Variants in CDYL2 observed in about 807,000 individuals in gnomAD.
CDYL2 encodes chromodomain Y-like protein 2.
In CDYL2, 23 loss-of-function variants were observed where a neutral mutation model predicts 49.4. The observed-to-expected ratio is 0.47, with a 90% CI of 0.34 to 0.66. The LOEUF (loss-of-function observed/expected upper bound fraction) is 0.66, where lower values mean the gene tolerates loss of function less well. Ranked by LOEUF, CDYL2 falls within the 30% of genes least tolerant of loss-of-function variation. The pLI is 0.01. For synonymous variants in CDYL2, 360 were observed against 268.8 expected (o/e 1.34, Z -3.32); for missense variants, 678 against 656.4 (o/e 1.03, Z -0.36).
rs369175946 is a variant in CDYL2, at chr16:80,669,158, C to G, written c.616+15380G>C. ...ATTTTTTTTTAAGTATTAACACAAG[C>G]AAAAGTAAAGGAGAAGAGTCAATAG... On this transcript the variant is annotated intron_variant, in intron 2 of 6. Coordinates refer to ENST00000570137, the MANE Select transcript of CDYL2 (RefSeq NM_152342.4). Among the ~76,000 whole-genome samples, 24 of 151,496 alleles carry G rather than the reference C, an allele frequency of 1.6e-4. No individual in the cohort carries two copies. The East Asian group carries it at 4.3e-3, about 27-fold the overall frequency.
intron 1 of CDYL2, among the ~76,000 whole-genome samples, chr16:80,718,835 C>T (rs1904900939): frequency 6.6e-6 from 1 of 152,154 alleles, no homozygotes; most frequent in Non-Finnish European, 1.5e-5. Flanking sequence ...AAAAGAGGTA[C>T]TGACAAGAGC....
intron 2 of CDYL2, among the ~76,000 whole-genome samples, chr16:80,667,966 T>C (rs1334408132): frequency 1.3e-5 from 2 of 152,226 alleles, no homozygotes; most frequent in Non-Finnish European, 2.9e-5. Context: ...ACCCGGGCAA[T>C]GCCCAGGGAG....
At chr16:80,787,445 G>T (rs1360480312) in intron 1 of CDYL2, among the ~76,000 whole-genome samples, 1 of 152,188 alleles carries the variant, frequency 6.6e-6, no homozygotes, top group African/African-American at 2.4e-5. Flanking sequence ...GGTACTGGGT[G>T]ATCATAAGGA....
At chr16:80,681,712 A>G (rs1909974014) in intron 2 of CDYL2, among the ~76,000 whole-genome samples, 1 of 152,188 alleles carries the variant, frequency 6.6e-6, no homozygotes, top group South Asian at 2.1e-4. Context: ...GGTATGGTGA[A>G]GCCATGCACA....
At chr16:80,616,496 C>G (rs1409500977) in intron 4 of CDYL2, among the ~76,000 whole-genome samples, 3 of 152,184 alleles carry the variant, frequency 2.0e-5, no homozygotes, top group Non-Finnish European at 2.9e-5. Flanking sequence ...TCCCCTGGAG[C>G]AATCGGCATT....
At position 80,661,630 on chromosome 16, in the gene CDYL2, C is replaced by A. The variant is rs563316914; in HGVS notation, c.616+22908G>T. ...TCGAGCATCAAGACACTGAAACTAG[C>A]CCTGGTCTCAGGCCCTCTTCATGGT... On this transcript the variant is annotated intron_variant, in intron 2 of 6. Transcript: ENST00000570137. Among the ~76,000 whole-genome samples the A allele has an allele frequency of 7.2e-5, 11 of 152,270 alleles. No individual in the cohort carries two copies. In the South Asian group the frequency reaches 2.1e-3, roughly 29 times the overall value.
intron 2 of CDYL2, among the ~76,000 whole-genome samples, chr16:80,663,022 AG>A (rs1909111717): frequency 6.6e-6 from 1 of 151,752 alleles, no homozygotes; most frequent in African/African-American, 2.4e-5. Flanking sequence ...GAGGACCTAC[AG>A]AAGTTCTTAC....
chr16:80,685,510 G>T (rs1910155782), intron 1 of CDYL2, among the ~76,000 whole-genome samples: 2 of 152,206 alleles, frequency 1.3e-5, no homozygotes, highest in Non-Finnish European at 2.9e-5. Flanking sequence ...CCAATTTGGT[G>T]TGAGTTCTTC....
chr16:80,642,595 G>C (rs1908148781), intron 2 of CDYL2, among the ~76,000 whole-genome samples: 1 of 152,134 alleles, frequency 6.6e-6, no homozygotes. Flanking sequence ...CGGGTAGACT[G>C]GGAAGAAAAA....
At chr16:80,607,927 G>C (rs1906415863) in intron 6 of CDYL2, among the ~76,000 whole-genome samples, 165 bp downstream of exon 6, 1 of 152,196 alleles carries the variant, frequency 6.6e-6, no homozygotes, top group Non-Finnish European at 1.5e-5. Context: ...CCCTCTGATT[G>C]AAGCTGTCAA....
chr16:80,737,294 C>T (rs111247995), intron 1 of CDYL2, among the ~76,000 whole-genome samples: 1 of 152,120 alleles, frequency 6.6e-6, no homozygotes, highest in East Asian at 1.9e-4. Context: ...GGTATAGTGG[C>T]TTTTACTTAA....
intron 1 of CDYL2, among the ~76,000 whole-genome samples, chr16:80,769,285 C>T (rs1906828535): frequency 1.3e-5 from 2 of 152,184 alleles, no homozygotes; most frequent in South Asian, 4.1e-4. Context: ...GCTCAAAAGG[C>T]TACAAGACTA....
chr16:80,723,084 G>A (rs1905053009), intron 1 of CDYL2, among the ~76,000 whole-genome samples: 1 of 152,170 alleles, frequency 6.6e-6, no homozygotes, highest in South Asian at 2.1e-4. Flanking sequence ...CAGTCCCTGT[G>A]GACTATGTAC....
At chr16:80,623,686 G>A (rs1428111512) in intron 3 of CDYL2, among the ~76,000 whole-genome samples, 1 of 152,176 alleles carries the variant, frequency 6.6e-6, no homozygotes, top group Non-Finnish European at 1.5e-5. Context: ...GTCACTTGTT[G>A]AAGCTCCATT....
chr16:80,737,031 C>A (rs1482851529), intron 1 of CDYL2, among the ~76,000 whole-genome samples: 1 of 152,144 alleles, frequency 6.6e-6, no homozygotes, highest in Non-Finnish European at 1.5e-5. Flanking sequence ...AGAAGGGCTC[C>A]TGTGGAAAGA....
intron 2 of CDYL2, among the ~76,000 whole-genome samples, chr16:80,638,993 GA>G (rs1394476040): frequency 1.3e-5 from 2 of 152,086 alleles, no homozygotes; most frequent in Admixed American, 1.3e-4. Context: ...ACATTACAAA[GA>G]ACATAATTTA....
At chr16:80,650,517 G>A (rs541420038) in intron 2 of CDYL2, among the ~76,000 whole-genome samples, 34 of 152,310 alleles carry the variant, frequency 2.2e-4, no homozygotes, top group Admixed American at 5.9e-4. Flanking sequence ...CACACTGTTG[G>A]TGGGAATGTA....
intron 1 of CDYL2, among the ~76,000 whole-genome samples, chr16:80,741,357 T>C (rs1460741943): frequency 6.6e-6 from 1 of 150,662 alleles, no homozygotes; most frequent in African/African-American, 2.4e-5. Flanking sequence ...AAAAAAAAAA[T>C]GCACACACAC....
At chr16:80,698,795 C>T (rs564524425) in intron 1 of CDYL2, among the ~76,000 whole-genome samples, 2 of 152,142 alleles carry the variant, frequency 1.3e-5, no homozygotes, top group Non-Finnish European at 2.9e-5. Context: ...GCAGAAGCCA[C>T]TTTGCTTCCT....
Sources: gnomAD v4.1 joint callset for allele counts (sites outside exome capture counted in the v4.1 genomes callset) on GRCh38, gnomAD v4.1.1 for gene constraint, MANE v1.5 for transcripts, NCBI Gene and HGNC (gene_info 2026-07-23, HGNC 2026-07-21) for gene names.